Variants in TBC1D1 observed in about 807,000 individuals in gnomAD.
TBC1D1 encodes the protein TBC1 domain family member 1.
In TBC1D1, 89 loss-of-function variants were observed where a neutral mutation model predicts 125.6. The ratio of observed to expected loss-of-function variants is 0.71; its 90% confidence interval spans 0.60 to 0.85. The LOEUF (loss-of-function observed/expected upper bound fraction) is 0.85, where lower values mean the gene tolerates loss of function less well. Ranked by LOEUF, TBC1D1 falls within the 40% of genes least tolerant of loss-of-function variation. TBC1D1 has a pLI of 0.00. For missense variants in TBC1D1, 1,377 were observed against 1,469.2 expected, an observed-to-expected ratio of 0.94 and a Z score of 1.03; for synonymous variants, 565 against 564.1, an observed-to-expected ratio of 1.00 and a Z score of -0.02.
At chr4:37,946,346 A>G (rs931191636) in intron 2 of TBC1D1, among the ~76,000 whole-genome samples, 1 of 152,224 alleles carries the variant, frequency 6.6e-6, no homozygotes, top group East Asian at 1.9e-4. Context: ...TGCTCCCAAC[A>G]CAAAGAAATG....
intron 10 of TBC1D1, among the ~76,000 whole-genome samples, chr4:38,046,370 TAA>T (rs11438975): frequency 2.1e-5 from 3 of 142,996 alleles, no homozygotes; most frequent in East Asian, 2.0e-4. Context: ...AGACTCTGTG[TAA>T]AAAAAAAAAA....
intron 11 of TBC1D1, 127 bp from the exon 12 acceptor site, chr4:38,051,772 C>T: frequency 1.2e-6 from 1 of 858,488 alleles, no homozygotes; most frequent in Non-Finnish European, 1.8e-6. Flanking sequence ...AAGAAGTCCT[C>T]CACTCTGATA....
At chr4:37,910,956 T>C (rs966454790) in intron 2 of TBC1D1, among the ~76,000 whole-genome samples, 3 of 151,572 alleles carry the variant, frequency 2.0e-5, no homozygotes, top group Non-Finnish European at 4.4e-5. Context: ...AAATAAAAGA[T>C]ATTTTAAATA....
chr4:38,129,792 T>C (rs1457194807), intron 18 of TBC1D1, among the ~76,000 whole-genome samples: 1 of 152,148 alleles, frequency 6.6e-6, no homozygotes, highest in Non-Finnish European at 1.5e-5. Context: ...CATGTGTAAT[T>C]TAAACTTATG....
At chr4:38,021,194 T>A (rs1015988061) in intron 5 of TBC1D1, among the ~76,000 whole-genome samples, 1 of 152,212 alleles carries the variant, frequency 6.6e-6, no homozygotes, top group South Asian at 2.1e-4. Context: ...GCAGGGGAAC[T>A]GCCCTTTATA....
intron 2 of TBC1D1, among the ~76,000 whole-genome samples, chr4:37,936,198 G>A (rs1265388044): frequency 6.6e-6 from 1 of 152,098 alleles, no homozygotes; most frequent in Non-Finnish European, 1.5e-5. Flanking sequence ...GTTTTTTGCT[G>A]TACACATACC....
chr4:38,064,769 G>A (rs969838285), intron 12 of TBC1D1, among the ~76,000 whole-genome samples: 37 of 149,478 alleles, frequency 2.5e-4, no homozygotes, highest in African/African-American at 7.4e-4. Context: ...GACTACAGGC[G>A]TGCGCTGCCA....
intron 15 of TBC1D1, chr4:38,110,563 C>G: frequency 2.0e-6 from 2 of 985,402 alleles, no homozygotes; most frequent in Non-Finnish European, 2.4e-6. Flanking sequence ...GTAGGCCTTT[C>G]TGGCATATTT....
At chr4:37,970,573 C>T (rs1731829828) in intron 2 of TBC1D1, among the ~76,000 whole-genome samples, 1 of 152,196 alleles carries the variant, frequency 6.6e-6, no homozygotes, top group Non-Finnish European at 1.5e-5. Context: ...ATTTTCCTTC[C>T]TCTGGGAACT....
intron 2 of TBC1D1, among the ~76,000 whole-genome samples, chr4:37,948,754 G>T (rs147294688): frequency 6.6e-6 from 1 of 152,096 alleles, no homozygotes; most frequent in Non-Finnish European, 1.5e-5. Flanking sequence ...AAACCTGTAC[G>T]TATCAGCTGT....
intron 12 of TBC1D1, among the ~76,000 whole-genome samples, chr4:38,067,791 G>T (rs758581032): frequency 6.6e-6 from 1 of 152,194 alleles, no homozygotes; most frequent in African/African-American, 2.4e-5. Context: ...TAGACCAGAT[G>T]TTCTTGTAGT....
chr4:37,900,176 T>A (rs899433847), intron 1 of TBC1D1, among the ~76,000 whole-genome samples: 9 of 151,030 alleles, frequency 6.0e-5, no homozygotes, highest in African/African-American at 1.7e-4. Flanking sequence ...ATTGAGAAAT[T>A]CGTCAGAGCA....
intron 6 of TBC1D1, among the ~76,000 whole-genome samples, chr4:38,024,851 C>T (rs1205275602): frequency 1.3e-5 from 2 of 152,154 alleles, no homozygotes; most frequent in Admixed American, 1.3e-4. Context: ...GATGTGGCCA[C>T]ACAAAGAAAG....
At chr4:38,131,708 T>A (rs1185087125) in intron 18 of TBC1D1, among the ~76,000 whole-genome samples, 3 of 152,324 alleles carry the variant, frequency 2.0e-5, no homozygotes, top group Admixed American at 2.0e-4. Flanking sequence ...TCAAAGCCTC[T>A]GAGCCAGTTA....
Position 38,125,129 on chromosome 4 carries a change from C to T in TBC1D1, c.3130C>T (p.Gln1044Ter). ...GGTACAGATGGAAAAGACCATCAAT[C>T]AGGTATGAGTCAGTCCAAACCTTGC... The change falls in exon 18 of 20, where the codon CAG (glutamine) becomes TAG (stop). Residue 1044 changes from glutamine to a stop codon, truncating the protein, a stop_gained and splice_region_variant. Transcript: ENST00000261439. LOFTEE classifies it high-confidence loss of function. 1 of 1,614,018 alleles carries T rather than the reference C, an allele frequency of 6.2e-7. No homozygotes were observed.
chr4:38,116,055 T>C, intron 16 of TBC1D1, 101 bp downstream of exon 18: 2 of 1,303,170 alleles, frequency 1.5e-6, no homozygotes, highest in Admixed American at 2.0e-5. Flanking sequence ...TCAGGTAACA[T>C]TGTAATAGCT....
At chr4:38,113,598 G>C (rs991077687) in intron 15 of TBC1D1, among the ~76,000 whole-genome samples, 2 of 152,214 alleles carry the variant, frequency 1.3e-5, no homozygotes, top group African/African-American at 4.8e-5. Context: ...GGTCCATTTG[G>C]GATGGGACAG....
rs776941680 is a variant in TBC1D1, at chr4:38,039,104, CTTTTTTTTTTTTTTTT to C, written c.1413+3422_1413+3437del. On this transcript the variant is annotated intron_variant, in intron 8 of 19. Coordinates refer to ENST00000261439, the MANE Select transcript of TBC1D1 (RefSeq NM_015173.4). The stretch of plus-strand genomic sequence containing the variant: ...AATTTCTTATAAATGGCATCATACT[CTTTTTTTTTTTTTTTT>C]TTTTTTTTTTTTTTTGAGACAGAGT... Among the ~76,000 whole-genome samples, 8 of 51,584 alleles carry C rather than the reference CTTTTTTTTTTTTTTTT, an allele frequency of 1.6e-4. No individual in the cohort carries two copies. In the East Asian group the frequency reaches 3.0e-3, roughly 19 times the overall value. The allele number at this position is 51,584 out of a possible 152,430, so 33.8% of individuals were successfully genotyped here.
intron 2 of TBC1D1, among the ~76,000 whole-genome samples, chr4:37,914,740 C>T (rs1216166397): frequency 1.3e-5 from 2 of 152,230 alleles, no homozygotes; most frequent in Non-Finnish European, 2.9e-5. Context: ...TCCCGTTGCT[C>T]TCTGGACTCC....
Sources: allele counts gnomAD v4.1 joint callset (sites outside exome capture counted in the v4.1 genomes callset), GRCh38; gene constraint gnomAD v4.1.1; transcripts MANE v1.5; gene names NCBI Gene and HGNC (gene_info 2026-07-23, HGNC 2026-07-21).